TLK1: variants seen among roughly 807,000 people sequenced by gnomAD.
TLK1 encodes the protein serine/threonine-protein kinase tousled-like 1.
Under a neutral mutation model 105.3 loss-of-function variants are expected in TLK1, and 24 were observed. The ratio of observed to expected loss-of-function variants is 0.23; its 90% CI spans 0.17 to 0.32. The LOEUF is 0.32. Among genes scored for constraint, TLK1 ranks in the 10% least tolerant of loss-of-function variants. The pLI is 1.00. For synonymous variants in TLK1, 321 were observed against 310.4 expected, an observed-to-expected ratio of 1.03 and a Z score of -0.36; for missense variants, 558 against 910.5, an observed-to-expected ratio of 0.61 and a Z score of 4.98.
At chr2:171,015,709 ACACACACACACACACACACACACC>A (rs750317095) in intron 12 of TLK1, among the ~76,000 whole-genome samples, 29 of 53,912 alleles carry the variant, frequency 5.4e-4, no homozygotes, top group African/African-American at 8.6e-4. Context: ...ATATACACAC[ACACACACACACACACACACACACC>A]CACCCCTTTT....
At chr2:171,177,683 T>C (rs1293819802) in intron 1 of TLK1, among the ~76,000 whole-genome samples, 1 of 152,194 alleles carries the variant, frequency 6.6e-6, no homozygotes, top group Admixed American at 6.5e-5. Context: ...AGACTCAAGG[T>C]CCTTACTGAA....
chr2:171,046,503 G>A (rs1416388293), intron 10 of TLK1, 141 bp from the exon 11 acceptor site: 39 of 890,846 alleles, frequency 4.4e-5, no homozygotes, highest in Admixed American at 3.5e-4. Context: ...GAACCAATTT[G>A]TACTTATCCT....
chr2:171,209,336 T>C (rs975047660), intron 1 of TLK1, among the ~76,000 whole-genome samples: 13 of 152,300 alleles, frequency 8.5e-5, no homozygotes, highest in Middle Eastern at 6.8e-3. Context: ...GTTTTTCTTA[T>C]TCAAAAAATT....
chr2:171,043,399 A>G (rs1686785787), intron 11 of TLK1, among the ~76,000 whole-genome samples: 1 of 152,204 alleles, frequency 6.6e-6, no homozygotes, highest in African/African-American at 2.4e-5. Context: ...GATAACGAAG[A>G]AGGAGCCAGA....
intron 1 of TLK1, among the ~76,000 whole-genome samples, chr2:171,154,985 G>C (rs1692178387): frequency 6.6e-6 from 1 of 152,076 alleles, no homozygotes; most frequent in African/African-American, 2.4e-5. Context: ...AATATGAATT[G>C]TTATAAGTAA....
intron 2 of TLK1, among the ~76,000 whole-genome samples, chr2:171,093,368 G>C (rs751496193): frequency 1.3e-5 from 2 of 152,154 alleles, no homozygotes; most frequent in African/African-American, 4.8e-5. Context: ...GATGGAATGA[G>C]GTAATCAGAG....
intron 2 of TLK1, among the ~76,000 whole-genome samples, chr2:171,086,512 G>A (rs1014285645): frequency 6.6e-6 from 1 of 152,106 alleles, no homozygotes; most frequent in Admixed American, 6.5e-5. Context: ...TGTAATCCCA[G>A]CTACTAGAGA....
intron 1 of TLK1, among the ~76,000 whole-genome samples, chr2:171,214,021 G>A: frequency 6.6e-6 from 1 of 151,264 alleles, no homozygotes; most frequent in East Asian, 2.0e-4. Context: ...AGACTCTGGT[G>A]AATAGTTTTA....
At chr2:171,085,163 G>A (rs6721080) in intron 2 of TLK1, among the ~76,000 whole-genome samples, 3,929 of 152,250 alleles carry the variant, frequency 0.026, 139 homozygotes, top group African/African-American at 0.083. Flanking sequence ...GCGGAGGCGG[G>A]CAGATCACCT....
intron 1 of TLK1, among the ~76,000 whole-genome samples, chr2:171,224,988 C>G (rs1476618613): frequency 6.6e-6 from 1 of 152,090 alleles, no homozygotes; most frequent in African/African-American, 2.4e-5. Context: ...GTTTCTGGAA[C>G]AACTGGATAT....
At chr2:171,021,433 CTTTTTTTTTTTTTTT>C (rs531522490) in intron 12 of TLK1, among the ~76,000 whole-genome samples, 15 of 116,820 alleles carry the variant, frequency 1.3e-4, no homozygotes, top group South Asian at 2.9e-4. Context: ...CCCGCCCCGA[CTTTTTTTTTTTTTTT>C]TTTTTTTTTT....
At chr2:171,066,566 T>C (rs1688005523) in intron 3 of TLK1, among the ~76,000 whole-genome samples, 1 of 152,212 alleles carries the variant, frequency 6.6e-6, no homozygotes, top group Non-Finnish European at 1.5e-5. Context: ...ACAATTATTT[T>C]ATGCTCAATT....
At chr2:171,009,105 T>C (rs1008110456) in intron 14 of TLK1, among the ~76,000 whole-genome samples, 6 of 152,096 alleles carry the variant, frequency 3.9e-5, no homozygotes, top group Non-Finnish European at 8.8e-5. Flanking sequence ...AAGATCACTT[T>C]TGATGAATGA....
chr2:171,015,470 C>T (rs1685135246), intron 12 of TLK1, among the ~76,000 whole-genome samples: 1 of 139,322 alleles, frequency 7.2e-6, no homozygotes, highest in Admixed American at 7.2e-5. Flanking sequence ...ACAAACTGAC[C>T]ACTCACTTGC....
chr2:171,152,931 G>T (rs1692099383), intron 1 of TLK1, among the ~76,000 whole-genome samples: 1 of 152,088 alleles, frequency 6.6e-6, no homozygotes, highest in South Asian at 2.1e-4. Flanking sequence ...TGAAGTGTAG[G>T]ATTTGCACAG....
At position 170,997,699 on chromosome 2, in the gene TLK1, G is replaced by A. The variant is rs183280229; in HGVS notation, c.2016+13C>T. On this transcript the variant is annotated intron_variant, in intron 19 of 20. Coordinates refer to ENST00000431350, the MANE Select transcript of TLK1 (RefSeq NM_012290.5). ...ATCTCTGTAGAGCTGAAGGCTGGTA[G>A]AATTCAATTTACCTTTCTACCATAA... is the stretch of plus-strand genomic sequence containing the variant. 6 of 1,538,458 alleles carry A rather than the reference G, an allele frequency of 3.9e-6. No homozygotes were observed. The highest frequency in any genetic ancestry group is 2.7e-5 in the African/African-American group (2 of 73,352).
intron 1 of TLK1, among the ~76,000 whole-genome samples, chr2:171,192,945 T>C (rs912711241): frequency 6.6e-6 from 1 of 152,254 alleles, no homozygotes; most frequent in Admixed American, 6.5e-5. Context: ...GATTTGGAAT[T>C]AGCTGCCTAA....
At chr2:171,079,174 C>G (rs1260581470) in intron 3 of TLK1, among the ~76,000 whole-genome samples, 1 of 152,204 alleles carries the variant, frequency 6.6e-6, no homozygotes, top group Admixed American at 6.5e-5. Context: ...CACATAAAAG[C>G]AAACACATAT....
rs1693098908 is a variant in TLK1, at chr2:171,189,331, TAA to T, written c.-6+41812_-6+41813del. ...ACAGGCGCCCACCACCATGCCCTGT[TAA>T]GTTTTTACACTTTTAGTAGAGACGG... is the stretch of plus-strand genomic sequence containing the variant. On this transcript the variant is annotated intron_variant, in intron 1 of 20. Coordinates refer to the TLK1 transcript ENST00000521943. Among the ~76,000 whole-genome samples, 3 of 152,122 alleles carry T rather than the reference TAA, an allele frequency of 2.0e-5. No individual in the cohort carries two copies. The South Asian group carries it at 6.2e-4, about 32-fold the overall frequency.
Sources: allele counts gnomAD v4.1 joint callset (sites outside exome capture counted in the v4.1 genomes callset), GRCh38; gene constraint gnomAD v4.1.1; transcripts MANE v1.5; gene names NCBI Gene and HGNC (gene_info 2026-07-23, HGNC 2026-07-21).